Variants in INTS1 observed in about 807,000 individuals in gnomAD.
The protein encoded by INTS1 is integrator complex subunit 1.
INTS1 carries 137 observed loss-of-function variants against 241.6 expected under a neutral mutation model. The ratio of observed to expected loss-of-function variants is 0.57; its 90% CI spans 0.49 to 0.65. INTS1 has a LOEUF of 0.65. Among genes scored for constraint, INTS1 ranks in the 30% least tolerant of loss-of-function variants. INTS1 has a pLI of 0.00. For synonymous variants in INTS1, 1,692 were observed against 1,337.8 expected, an observed-to-expected ratio of 1.26 and a Z score of -5.78; for missense variants, 3,073 against 3,032.2, an observed-to-expected ratio of 1.01 and a Z score of -0.32.
rs1050030155 is a variant in INTS1 at position 1,497,262 on chromosome 7, C to G, written c.1478G>C (p.Arg493Pro). 1 of 1,613,430 alleles carries G rather than the reference C, an allele frequency of 6.2e-7. No individual in the cohort carries two copies. The highest frequency in any genetic ancestry group is 1.3e-5 in the African/African-American group (1 of 74,972). Residue 493 changes from arginine to proline, a missense_variant, in exon 11 of 48, where the codon CGG becomes CCG. Transcript: ENST00000404767. This position sits in a 1 kb window ranked among gnomAD's most constrained non-coding sequence, Gnocchi z 5.3. ...CTCCCGCAGCAGGGCCCGCGAGGCC[C>G]GCAGGTAGTCGTCCTTGTTGGTCAG... is the stretch of plus-strand genomic sequence containing the variant. ...DLLTNKDDYL[R>P]ASRALLREII... is the part of the protein sequence containing the mutation.
chr7:1,503,386 G>A (rs146199926), intron 2 of INTS1, among the ~76,000 whole-genome samples, 195 bp from the exon 3 acceptor site: 2 of 152,314 alleles, frequency 1.3e-5, no homozygotes, highest in Non-Finnish European at 2.9e-5. Flanking sequence ...GGACAGTCAC[G>A]TAGCGCTAAC....
At chr7:1,503,628 T>A (rs974123645) in intron 2 of INTS1, among the ~76,000 whole-genome samples, 1 of 152,196 alleles carries the variant, frequency 6.6e-6, no homozygotes, top group East Asian at 1.9e-4. Context: ...TCCCGCCTCC[T>A]GGCTGGGGAG....
intron 33 of INTS1, 121 bp downstream of exon 33, chr7:1,478,245 C>T (rs549869355): frequency 8.7e-7 from 1 of 1,149,384 alleles, no homozygotes; most frequent in Admixed American, 2.4e-5. Context: ...CCTCTGTGGG[C>T]ACTTTCCGGG....
At position 1,473,571 on chromosome 7, in the gene INTS1, C is replaced by T. The variant is rs148225984; in HGVS notation, c.5952G>A (p.Pro1984=). 88 of 1,590,196 alleles carry T rather than the reference C, an allele frequency of 5.5e-5. No homozygotes were observed. In the East Asian group the frequency reaches 1.7e-3, roughly 31 times the overall value. ...TGCAGCCCGTGGGCACTCACTGGAG[C>T]GGGTCGGCGTGCTTCTGCAGGAAGG... is the stretch of plus-strand genomic sequence containing the variant. ...AISFLQKHAD[P]LHDLSFDNSD... The change falls in exon 42 of 48, where the codon CCG becomes CCA. Residue 1984 remains proline, a synonymous_variant. Transcript: ENST00000404767.
chr7:1,487,679 C>A, intron 19 of INTS1, 81 bp downstream of exon 19: 1 of 1,537,744 alleles, frequency 6.5e-7, no homozygotes, highest in Non-Finnish European at 8.9e-7. Flanking sequence ...TCCGCCTGCT[C>A]CTTCAGCCTC....
intron 22 of INTS1, 116 bp from the exon 23 acceptor site, chr7:1,485,585 C>T: frequency 2.7e-6 from 3 of 1,104,750 alleles, no homozygotes; most frequent in Non-Finnish European, 3.8e-6. Flanking sequence ...GTGGCGCTTG[C>T]TTCCCACGGG....
At chr7:1,483,410 C>G in intron 26 of INTS1, 1 of 415,194 alleles carries the variant, frequency 2.4e-6, no homozygotes, top group Non-Finnish European at 4.5e-6. Context: ...GGTGAAATCC[C>G]GAGTTTGCCG....
chr7:1,481,079 A>T lies in INTS1; in HGVS notation c.3851-146T>A. On this transcript the variant is annotated intron_variant, in intron 28 of 47. Transcript: ENST00000404767. This position sits in a 1 kb window ranked among gnomAD's most constrained non-coding sequence, Gnocchi z 6.8. ...CAGAAGCTGGGTGAGCTCAGTCAGCACTGAGGCCCCAACAGCTCCCTCCAA... is the reference window on the plus strand; with the variant it reads ...CAGAAGCTGGGTGAGCTCAGTCAGCTCTGAGGCCCCAACAGCTCCCTCCAA... 1.4e-6 allele frequency: 1 copy of T among 704,024 alleles called. No individual in the cohort carries two copies. The highest frequency in any genetic ancestry group is 2.5e-6 in the Non-Finnish European group (1 of 405,088). 43.6% of individuals were successfully genotyped at this position (704,024 alleles called of 1,614,324 possible).
chr7:1,485,251 C>T lies in INTS1; in HGVS notation c.3156+39G>A, dbSNP rs778969944. ...GGCAACAGGGCAGGGCTGCGGCCCT[C>T]TCATCTTTCCCTGCCGCGGCCCCGG... On this transcript the variant is annotated intron_variant, in intron 23 of 47. Coordinates refer to ENST00000404767, the MANE Select transcript of INTS1 (RefSeq NM_001080453.3). 4.4e-6 allele frequency: 7 copies of T among 1,597,168 alleles called. No homozygotes were observed. In the South Asian group the frequency reaches 4.4e-5, roughly 10 times the overall value.
chr7:1,487,255 G>C (rs1187324041), intron 20 of INTS1, 65 bp downstream of exon 20: 2 of 1,538,244 alleles, frequency 1.3e-6, no homozygotes, highest in Non-Finnish European at 1.8e-6. Context: ...TGGCCACCAA[G>C]GCCTCCGGAA....
Position 1,479,568 on chromosome 7 carries a change from C to A in INTS1, c.4191G>T (p.Glu1397Asp). ...ELARVVQGSP[E>D]VPGITVRVLQ... ...GGACACGCACCGTGATGCCCGGCAC[C>A]TCGGGGCTGCCCTGGACGACGCGGG... The change falls in exon 31 of 48, where the codon GAG becomes GAT. Residue 1397 changes from glutamate to aspartate, a missense_variant. Transcript: ENST00000404767. The A allele has an allele frequency of 6.5e-7, 1 of 1,548,826 alleles. No individual in the cohort carries two copies. Among genetic ancestry groups the A allele is most frequent in the Non-Finnish European group, 8.7e-7 (1 of 1,148,086 alleles).
intron 26 of INTS1, 53 bp downstream of exon 26, chr7:1,483,689 G>C (rs772899544): frequency 1.4e-6 from 2 of 1,410,980 alleles, no homozygotes; most frequent in South Asian, 2.3e-5. Flanking sequence ...TGTGGTCAGG[G>C]CTGTGGCCCA....
In INTS1 at chr7:1,484,172, TG is replaced by T. The variant is rs1257149194; in HGVS notation, c.3262-3del. 1.2e-6 allele frequency: 2 copies of T among 1,606,508 alleles called. No homozygotes were observed. The highest frequency in any genetic ancestry group is 1.7e-6 in the Non-Finnish European group (2 of 1,176,472). Reference sequence around the variant, plus strand: ...CTCCACGACCAGCCGGGCCACGTCCTGGTGTGTGGACAGGGGGGCGTCAGAG... The same window carrying T: ...CTCCACGACCAGCCGGGCCACGTCCTGTGTGTGGACAGGGGGGCGTCAGAG... On this transcript the variant is annotated splice_region_variant and splice_polypyrimidine_tract_variant and intron_variant, in intron 24 of 47. Transcript: ENST00000404767.
Position 1,497,806 on chromosome 7 carries a change from G to A in INTS1, c.1426-492C>T, listed in dbSNP as rs535741452. 6.6e-6 allele frequency among the ~76,000 whole-genome samples: 1 copy of A among 152,366 alleles called. No individual in the cohort carries two copies. Among genetic ancestry groups the A allele is most frequent in the African/African-American group, 2.4e-5 (1 of 41,594 alleles). ...TAGAGCCCACCGGGAGGCCTAATGC[G>A]CTGGTGGCGATGGGAGCATCTCCCG... is the stretch of plus-strand genomic sequence containing the variant. On this transcript the variant is annotated intron_variant, in intron 10 of 47. Transcript: ENST00000404767. The surrounding 1 kb of genome is among the most constrained non-coding windows in gnomAD (Gnocchi z 5.3).
rs767339533 is a variant in INTS1 at position 1,487,368 on chromosome 7, C to T, written c.2598G>A (p.Leu866=). The change falls in exon 20 of 48, where the codon TTG becomes TTA. Residue 866 remains leucine, a synonymous_variant. Transcript: ENST00000404767. ...GAAAGTCAGGGTTTCGGCTGCGGCA[C>T]AAGAGGTGCCCGAGGCGGAGGGACT... ...LNQSLRLGHL[L]CRSRNPDFLL... The T allele has an allele frequency of 2.5e-6, 4 of 1,609,992 alleles. No homozygotes were observed. In the African/African-American group the frequency reaches 4.0e-5, roughly 16 times the overall value.
chr7:1,483,126 G>C (rs1311600827), intron 26 of INTS1: 1 of 214,256 alleles, frequency 4.7e-6, no homozygotes, highest in African/African-American at 2.3e-5. Flanking sequence ...GACTGTGTCT[G>C]CCTCCCAACA....
Position 1,481,063 on chromosome 7 carries a change from G to A in INTS1, c.3851-130C>T. 2.7e-6 allele frequency: 2 copies of A among 734,462 alleles called. No homozygotes were observed. The highest frequency in any genetic ancestry group is 4.7e-6 in the Non-Finnish European group (2 of 428,322). 45.5% of individuals were successfully genotyped at this position (734,462 alleles called of 1,614,324 possible). On this transcript the variant is annotated intron_variant, in intron 28 of 47. Transcript: ENST00000404767. The surrounding 1 kb of genome is among the most constrained non-coding windows in gnomAD (Gnocchi z 6.8). ...CACTTCCCAAGGACTTCAGAAGCTG[G>A]GTGAGCTCAGTCAGCACTGAGGCCC...
At position 1,480,379 on chromosome 7, in the gene INTS1, G is replaced by A. The variant is rs777557561; in HGVS notation, c.4012C>T (p.Arg1338Trp). ...PEQPIGQGRI[R>W]VGTQLRVLGP... Reference sequence around the variant, plus strand: ...AGCACCCGGAGCTGGGTCCCCACCCGAATCCGGCCCTGGCCTATGGGCTGC... The same window carrying A: ...AGCACCCGGAGCTGGGTCCCCACCCAAATCCGGCCCTGGCCTATGGGCTGC... The change falls in exon 30 of 48, where the codon CGG (arginine) becomes TGG (tryptophan). Residue 1338 changes from arginine (R) to tryptophan (W), a missense_variant. Arg to Trp is a moderately radical substitution (Grantham distance 101). Coordinates refer to ENST00000404767, the MANE Select transcript of INTS1 (RefSeq NM_001080453.3). 4.3e-6 allele frequency: 7 copies of A among 1,612,542 alleles called. No homozygotes were observed. Among genetic ancestry groups the A allele is most frequent in the African/African-American group, 1.3e-5 (1 of 74,942 alleles).
chr7:1,495,631 C>T, intron 12 of INTS1, 78 bp from the exon 13 acceptor site: 1 of 1,523,732 alleles, frequency 6.6e-7, no homozygotes. Flanking sequence ...GGGTCCAACT[C>T]AATGCTGGCA....
Sources: allele counts gnomAD v4.1 joint callset (sites outside exome capture counted in the v4.1 genomes callset), GRCh38; gene constraint gnomAD v4.1.1; non-coding constraint Gnocchi (gnomAD v3.1); transcripts MANE v1.5; gene names NCBI Gene and HGNC (gene_info 2026-07-23, HGNC 2026-07-21).